The following RIMKLB variants were observed in gnomAD, a reference collection of about 807,000 sequenced individuals.
RIMKLB encodes the protein beta-citrylglutamate synthase B.
RIMKLB carries 7 observed loss-of-function variants against 32.0 expected under a neutral mutation model. The ratio of observed to expected loss-of-function variants is 0.22; its 90% CI spans 0.12 to 0.41. The LOEUF (loss-of-function observed/expected upper bound fraction) is 0.41, where lower values mean the gene tolerates loss of function less well. Among genes scored for constraint, RIMKLB ranks in the 10% least tolerant of loss-of-function variants. The pLI, the probability that RIMKLB is intolerant of heterozygous loss-of-function variation, is 1.00. For missense variants in RIMKLB, 289 were observed against 498.7 expected (o/e 0.58, Z 4.00); for synonymous variants, 172 against 185.1 (o/e 0.93, Z 0.57).
chr12:8,763,254 G>T (rs1040035368), intron 5 of RIMKLB, among the ~76,000 whole-genome samples: 2 of 152,196 alleles, frequency 1.3e-5, no homozygotes, highest in African/African-American at 4.8e-5. Flanking sequence ...TCGGACCTGT[G>T]TAAGGACTCC....
At chr12:8,726,770 C>G (rs1279328286) in intron 2 of RIMKLB, among the ~76,000 whole-genome samples, 1 of 151,762 alleles carries the variant, frequency 6.6e-6, no homozygotes, top group Non-Finnish European at 1.5e-5. Context: ...CTGACAATCT[C>G]TGTATTTTAA....
chr12:8,752,436 C>T (rs1948688784), intron 4 of RIMKLB, among the ~76,000 whole-genome samples: 1 of 152,076 alleles, frequency 6.6e-6, no homozygotes, highest in Non-Finnish European at 1.5e-5. Context: ...CCTGTAATCC[C>T]AACTACTCGG....
upstream of RIMKLB, chr12:8,697,673 C>G: frequency 3.4e-6 from 1 of 294,116 alleles, no homozygotes; most frequent in Non-Finnish European, 7.4e-6. Flanking sequence ...GGAGCGCCCT[C>G]GCGCTCCCTT....
At chr12:8,723,792 T>G (rs1290239186) in intron 2 of RIMKLB, among the ~76,000 whole-genome samples, 2 of 150,740 alleles carry the variant, frequency 1.3e-5, no homozygotes, top group Admixed American at 6.6e-5. Flanking sequence ...CTCATAGGCT[T>G]TCTTCAGTTC....
At position 8,686,055 on chromosome 12, in the gene RIMKLB, C is replaced by T. The variant is rs1231033388; in HGVS notation, n.219+4237C>T. ...GCTCTTGACCTTGTGATCCGCCCAC[C>T]TCGGTCTTCCAAAGTGCTGGGATTA... is the stretch of plus-strand genomic sequence containing the variant. On this transcript the variant is annotated intron_variant and non_coding_transcript_variant, in intron 1 of 1. Transcript: ENST00000538758. Among the ~76,000 whole-genome samples, 6 of 152,264 alleles carry T rather than the reference C, an allele frequency of 3.9e-5. No homozygotes were observed. In the East Asian group the frequency reaches 1.2e-3, roughly 29 times the overall value.
chr12:8,709,347 T>C (rs1944170573), intron 1 of RIMKLB, among the ~76,000 whole-genome samples: 1 of 152,248 alleles, frequency 6.6e-6, no homozygotes, highest in African/African-American at 2.4e-5. Context: ...TTTTTTCCTG[T>C]TTTTCTTTTT....
chr12:8,741,923 C>CT (rs145008488), intron 2 of RIMKLB, among the ~76,000 whole-genome samples: 37 of 146,850 alleles, frequency 2.5e-4, no homozygotes, highest in South Asian at 6.5e-4. Context: ...AAAAGGAGAG[C>CT]TTTTTTTTTT....
intron 5 of RIMKLB, among the ~76,000 whole-genome samples, chr12:8,756,599 A>G (rs1019729793): frequency 2.0e-5 from 3 of 152,106 alleles, no homozygotes; most frequent in Non-Finnish European, 2.9e-5. Context: ...ATGAAATTCA[A>G]TATGGTGGCT....
the RIMKLB span, among the ~76,000 whole-genome samples, chr12:8,672,769 C>A: frequency 6.6e-6 from 1 of 152,200 alleles, no homozygotes; most frequent in Non-Finnish European, 1.5e-5. Flanking sequence ...CCTCCCCGTG[C>A]TCCTGCTTTC....
chr12:8,783,067 TAA>T (rs1951191229), exon 8 of RIMKLB: 1 of 152,238 alleles, frequency 6.6e-6, no homozygotes, highest in South Asian at 2.1e-4. Flanking sequence ...GTTTTCTAAA[TAA>T]AGACACTATG....
intron 5 of RIMKLB, among the ~76,000 whole-genome samples, chr12:8,771,685 T>C (rs753158165): frequency 2.6e-5 from 4 of 152,250 alleles, no homozygotes; most frequent in Admixed American, 2.0e-4. Context: ...TTAGTGGCGC[T>C]CACATTTTAT....
upstream of RIMKLB, among the ~76,000 whole-genome samples, chr12:8,677,172 A>G (rs1235991174): frequency 6.6e-6 from 1 of 152,158 alleles, no homozygotes; most frequent in Non-Finnish European, 1.5e-5. Context: ...CTCAAGGAAA[A>G]AGTGTGGATA....
At chr12:8,685,980 G>A (rs1335313118) in intron 1 of RIMKLB, among the ~76,000 whole-genome samples, 1 of 152,008 alleles carries the variant, frequency 6.6e-6, no homozygotes, top group Non-Finnish European at 1.5e-5. Context: ...GCTAATTTTT[G>A]TATTTTCAGT....
At position 8,737,883 on chromosome 12, in the gene RIMKLB, T is replaced by A. The variant is rs764490481; in HGVS notation, c.176-11979T>A. On this transcript the variant is annotated intron_variant, in intron 2 of 5. Transcript: ENST00000535829. ...GCATGCGCCACCACGCCCGGCTAAT[T>A]TTGTATTTTTAGTAGAGACGGAGTT... 3.3e-5 allele frequency among the ~76,000 whole-genome samples: 5 copies of A among 152,226 alleles called. No homozygotes were observed. The East Asian group carries it at 9.7e-4, about 29-fold the overall frequency.
chr12:8,732,754 T>TACACACACACAC (rs796544776), intron 2 of RIMKLB, among the ~76,000 whole-genome samples: 1 of 144,746 alleles, frequency 6.9e-6, no homozygotes, highest in African/African-American at 2.9e-5. Flanking sequence ...ATTATATATA[T>TACACACACACAC]ATACACACAC....
chr12:8,727,657 G>A (rs1946156562), intron 2 of RIMKLB, among the ~76,000 whole-genome samples: 1 of 152,086 alleles, frequency 6.6e-6, no homozygotes, highest in South Asian at 2.1e-4. Flanking sequence ...CCAGCACTTC[G>A]GCAGGCTGAG....
chr12:8,672,175 A>G, the RIMKLB span, among the ~76,000 whole-genome samples: 5 of 152,204 alleles, frequency 3.3e-5, no homozygotes, highest in Non-Finnish European at 7.4e-5. Flanking sequence ...TTTATTGTCC[A>G]TATTGCTGTC....
Position 8,775,018 on chromosome 12 carries a change from A to G in RIMKLB, c.*1234A>G. 1.0e-6 allele frequency: 1 copy of G among 985,838 alleles called. No homozygotes were observed. The highest frequency in any genetic ancestry group is 1.2e-6 in the Non-Finnish European group (1 of 829,884). The allele number at this position is 985,838 out of a possible 1,614,324, so 61.1% of individuals were successfully genotyped here. ...AAACAGATGAGTTGTTTTCATAAGT[A>G]GACTCCACTGGGGTAGAGGTATTCA... On this transcript the variant is annotated 3_prime_UTR_variant, in exon 6 of 6. Coordinates refer to ENST00000535829, the MANE Select transcript of RIMKLB (RefSeq NM_001297776.2).
intron 5 of RIMKLB, among the ~76,000 whole-genome samples, chr12:8,770,253 G>A (rs759909051): frequency 5.3e-5 from 8 of 152,276 alleles, no homozygotes; most frequent in South Asian, 2.1e-4. Flanking sequence ...ATGAGCCACC[G>A]CGCCTGGCCT....
Sources: gnomAD v4.1 joint callset for allele counts (sites outside exome capture counted in the v4.1 genomes callset) on GRCh38, gnomAD v4.1.1 for gene constraint, MANE v1.5 for transcripts, NCBI Gene and HGNC (gene_info 2026-07-23, HGNC 2026-07-21) for gene names.